The following LRRC8B variants were observed in gnomAD, a reference collection of about 807,000 sequenced individuals.
LRRC8B encodes the protein leucine rich repeat containing 8 VRAC subunit B.
A neutral mutation model predicts 58.8 loss-of-function variants in LRRC8B; 23 were observed. The observed-to-expected ratio is 0.39, with a 90% confidence interval of 0.28 to 0.55. The LOEUF is 0.55. LRRC8B is among the 20% of genes least tolerant of loss of function. LRRC8B has a pLI of 0.62. For synonymous variants in LRRC8B, 359 were observed against 374.1 expected (o/e 0.96, Z 0.47); for missense variants, 694 against 936.0 (o/e 0.74, Z 3.37).
intron 3 of LRRC8B, among the ~76,000 whole-genome samples, chr1:89,574,897 A>G (rs1653731372): frequency 6.6e-6 from 1 of 152,170 alleles, no homozygotes; most frequent in Non-Finnish European, 1.5e-5. Flanking sequence ...TAGCTGTAAG[A>G]CCCTTCGTTA....
intron 1 of LRRC8B, among the ~76,000 whole-genome samples, chr1:89,555,006 T>G (rs1411329334): frequency 3.3e-5 from 5 of 152,090 alleles, no homozygotes; most frequent in East Asian, 1.9e-4. Flanking sequence ...AACTTCCAGA[T>G]GGGGAGTATA....
intron 1 of LRRC8B, among the ~76,000 whole-genome samples, chr1:89,538,939 C>G (rs1650747725): frequency 2.6e-5 from 4 of 152,156 alleles, no homozygotes; most frequent in African/African-American, 4.8e-5. Context: ...CCAGGCTGGT[C>G]TCAAACTCCT....
In LRRC8B at chr1:89,528,342, CT is replaced by C. The variant is rs1649859081; in HGVS notation, c.-241+3324del. ...TTCTTTATTGTTGAGTAGCATATTCCTTTTGATTTCTTCTCAGGTAGCAGAT... is the reference window on the plus strand; with the variant it reads ...TTCTTTATTGTTGAGTAGCATATTCCTTTGATTTCTTCTCAGGTAGCAGAT... On this transcript the variant is annotated intron_variant, in intron 1 of 5. Coordinates refer to ENST00000330947, the MANE Select transcript of LRRC8B (RefSeq NM_001369817.2). 2.0e-5 allele frequency among the ~76,000 whole-genome samples: 3 copies of C among 151,150 alleles called. No individual in the cohort carries two copies. The South Asian group carries it at 6.2e-4, about 31-fold the overall frequency.
chr1:89,579,096 G>A (rs1654051243), intron 3 of LRRC8B, among the ~76,000 whole-genome samples: 1 of 152,190 alleles, frequency 6.6e-6, no homozygotes, highest in Non-Finnish European at 1.5e-5. Context: ...TTTTAAATAT[G>A]GGTACAGAAA....
In LRRC8B at chr1:89,593,201, C is replaced by G. The variant is rs754294352; in HGVS notation, c.*158C>G. 4.6e-5 allele frequency: 30 copies of G among 649,560 alleles called. No individual in the cohort carries two copies. Among genetic ancestry groups the G allele is most frequent in the Non-Finnish European group, 7.6e-5 (29 of 384,024 alleles). 40.2% of individuals were successfully genotyped at this position (649,560 alleles called of 1,614,324 possible). A position where few individuals can be genotyped will look rare whatever the true frequency, so the allele number is the denominator to read the frequency against. On this transcript the variant is annotated 3_prime_UTR_variant, in exon 6 of 6. Transcript: ENST00000330947. ...ACCAGTCTGGCCAACCTGGTGAAAC[C>G]CCATCTCTGCTAAAACTACAAAAAA...
rs1274213691 is a variant in LRRC8B at position 89,595,328 on chromosome 1, A to G, written c.*2285A>G. ...TATTTTAGTGTTTCACAATAGAATT[A>G]TCATGTATACTGATTCCAGTGTGGC... is the stretch of plus-strand genomic sequence containing the variant. On this transcript the variant is annotated 3_prime_UTR_variant, in exon 6 of 6. Transcript: ENST00000330947. The G allele has an allele frequency of 6.6e-6, 1 of 152,174 alleles. No individual in the cohort carries two copies. The highest frequency in any genetic ancestry group is 6.5e-5 in the Admixed American group (1 of 15,284). The allele number at this position is 152,174 out of a possible 1,614,324, so 9.4% of individuals were successfully genotyped here.
chr1:89,573,473 T>C (rs934560798), intron 3 of LRRC8B, among the ~76,000 whole-genome samples: 19 of 152,206 alleles, frequency 1.2e-4, no homozygotes, highest in Admixed American at 7.8e-4. Context: ...ATGACTAGGG[T>C]GATTTTCCTA....
chr1:89,573,731 A>G (rs1653634608), intron 3 of LRRC8B, among the ~76,000 whole-genome samples: 1 of 152,090 alleles, frequency 6.6e-6, no homozygotes, highest in South Asian at 2.1e-4. Context: ...AACCTTCCTT[A>G]TCTATTTTAT....
At chr1:89,558,201 A>G (rs1652334716) in intron 1 of LRRC8B, among the ~76,000 whole-genome samples, 1 of 152,128 alleles carries the variant, frequency 6.6e-6, no homozygotes, top group South Asian at 2.1e-4. Context: ...ACTGTTGTCA[A>G]GTGATCAGTG....
At chr1:89,567,781 A>G (rs1433007842) in intron 1 of LRRC8B, among the ~76,000 whole-genome samples, 1 of 152,150 alleles carries the variant, frequency 6.6e-6, no homozygotes, top group Non-Finnish European at 1.5e-5. Flanking sequence ...TTACAACATT[A>G]TTAGTAATAA....
chr1:89,576,032 C>G (rs1308948986), intron 3 of LRRC8B, among the ~76,000 whole-genome samples: 4 of 152,172 alleles, frequency 2.6e-5, no homozygotes, highest in Non-Finnish European at 4.4e-5. Context: ...TTACTAAATG[C>G]AGTGCTCAGT....
At chr1:89,574,234 T>C (rs907946287) in intron 3 of LRRC8B, among the ~76,000 whole-genome samples, 1 of 152,216 alleles carries the variant, frequency 6.6e-6, no homozygotes, top group Non-Finnish European at 1.5e-5. Flanking sequence ...GATCATCCCA[T>C]AGAATCATGA....
intron 4 of LRRC8B, among the ~76,000 whole-genome samples, chr1:89,581,180 T>C (rs1654196451): frequency 6.8e-6 from 1 of 147,910 alleles, no homozygotes; most frequent in Non-Finnish European, 1.5e-5. Flanking sequence ...GTGCCTGTAG[T>C]CCCAGCTGCT....
intron 1 of LRRC8B, among the ~76,000 whole-genome samples, chr1:89,561,120 C>T (rs1218769869): frequency 6.6e-6 from 1 of 151,588 alleles, no homozygotes; most frequent in African/African-American, 2.4e-5. Context: ...TTTTGATTTG[C>T]ATTTCTCTGA....
Position 89,595,032 on chromosome 1 carries a change from A to G in LRRC8B, c.*1989A>G, listed in dbSNP as rs1185723419. 1.3e-5 allele frequency: 2 copies of G among 152,252 alleles called. No homozygotes were observed. Among genetic ancestry groups the G allele is most frequent in the African/African-American group, 4.8e-5 (2 of 41,456 alleles). 9.4% of individuals were successfully genotyped at this position (152,252 alleles called of 1,614,324 possible). On this transcript the variant is annotated 3_prime_UTR_variant, in exon 6 of 6. Transcript: ENST00000330947. ...CACTCCTGCACTAAAGTTCAAAGAA[A>G]AGAATTATTCAAATCAAATGAAATT...
chr1:89,564,644 G>C (rs1178812017), intron 1 of LRRC8B, among the ~76,000 whole-genome samples: 2 of 152,152 alleles, frequency 1.3e-5, no homozygotes, highest in Non-Finnish European at 2.9e-5. Context: ...GACTGTTAGT[G>C]TCAGGTTCTT....
chr1:89,525,440 G>C (rs1054439030), intron 1 of LRRC8B, among the ~76,000 whole-genome samples: 1 of 152,226 alleles, frequency 6.6e-6, no homozygotes, highest in Non-Finnish European at 1.5e-5. Context: ...ACTCCCCTGA[G>C]GGTGCCCCCA....
At chr1:89,574,082 A>ATAGAGGAC (rs1653660735) in intron 3 of LRRC8B, among the ~76,000 whole-genome samples, 1 of 152,242 alleles carries the variant, frequency 6.6e-6, no homozygotes, top group Non-Finnish European at 1.5e-5. Context: ...AATTAGCCAT[A>ATAGAGGAC]TAGAGGACTG....
rs576352715 is a variant in LRRC8B, at chr1:89,568,793, C to A, written c.-125+300C>A. ...AAAATCTAAGGAATATAATAAATGG[C>A]CATGGCAGACTTGGAGTCCATGTCT... On this transcript the variant is annotated intron_variant, in intron 3 of 5. Coordinates refer to ENST00000330947, the MANE Select transcript of LRRC8B (RefSeq NM_001369817.2). Among the ~76,000 whole-genome samples, 9 of 151,956 alleles carry A rather than the reference C, an allele frequency of 5.9e-5. 1 individual carries two copies. The South Asian group carries it at 1.7e-3, about 28-fold the overall frequency.
Sources: allele counts gnomAD v4.1 joint callset (sites outside exome capture counted in the v4.1 genomes callset), GRCh38; gene constraint gnomAD v4.1.1; transcripts MANE v1.5; gene names NCBI Gene and HGNC (gene_info 2026-07-23, HGNC 2026-07-21).